Variants in STAG1 observed in about 807,000 individuals in gnomAD.
STAG1 encodes cohesin subunit SA-1.
Under a neutral mutation model 170.9 loss-of-function variants are expected in STAG1, and 26 were observed. The ratio of observed to expected loss-of-function variants is 0.15; its 90% CI spans 0.11 to 0.21. The LOEUF (loss-of-function observed/expected upper bound fraction) is 0.21, where lower values mean the gene tolerates loss of function less well. Ranked by LOEUF, STAG1 falls within the 10% of genes least tolerant of loss-of-function variation. The probability of loss-of-function intolerance (pLI) is 1.00; values close to 1 mark genes in which losing one functional copy is unlikely to be tolerated. For synonymous variants in STAG1, 514 were observed against 497.7 expected, an observed-to-expected ratio of 1.03 and a Z score of -0.44; for missense variants, 964 against 1,509.5, an observed-to-expected ratio of 0.64 and a Z score of 5.99.
At chr3:136,724,839 G>A (rs1208867316) in intron 1 of STAG1, among the ~76,000 whole-genome samples, 2 of 152,028 alleles carry the variant, frequency 1.3e-5, no homozygotes, top group Non-Finnish European at 2.9e-5. Context: ...AGGCAGGAGG[G>A]GATGATACAT....
At chr3:136,697,005 G>A (rs76644790) in intron 1 of STAG1, among the ~76,000 whole-genome samples, 141 of 152,252 alleles carry the variant, frequency 9.3e-4, no homozygotes, top group African/African-American at 2.3e-3. Context: ...GAATTTTACC[G>A]TATGTAAATT....
intron 6 of STAG1, among the ~76,000 whole-genome samples, chr3:136,533,323 C>T (rs577681410): frequency 1.3e-5 from 2 of 152,000 alleles, no homozygotes; most frequent in African/African-American, 4.8e-5. Flanking sequence ...TGTTGGTAAC[C>T]ACTGAATTTT....
At chr3:136,674,177 G>GGGAGAGAGGGAGGGAA (rs1942064560) in intron 1 of STAG1, among the ~76,000 whole-genome samples, 1 of 26,672 alleles carries the variant, frequency 3.7e-5, no homozygotes, top group Non-Finnish European at 6.7e-5. Flanking sequence ...GAGGGAAGGA[G>GGGAGAGAGGGAGGGAA]GGAGGGAGGG....
At chr3:136,428,673 C>G (rs1301141946) in intron 16 of STAG1, among the ~76,000 whole-genome samples, 3 of 152,152 alleles carry the variant, frequency 2.0e-5, no homozygotes, top group African/African-American at 7.2e-5. Flanking sequence ...AGCCATCAAG[C>G]CCCCCAAAAT....
chr3:136,700,886 T>C (rs1230001272), intron 1 of STAG1, among the ~76,000 whole-genome samples: 4 of 137,070 alleles, frequency 2.9e-5, no homozygotes, highest in East Asian at 2.0e-4. Context: ...CTTTTTTTTT[T>C]TTTTTTTTTT....
In STAG1 at chr3:136,584,431, T is replaced by G. The variant is rs534531345; in HGVS notation, c.298-15570A>C. ...ATTAACTATCACATGCAAGCCATCC[T>G]GTTTCTATCAGCATTCAAAAGACTG... On this transcript the variant is annotated intron_variant, in intron 4 of 33. Coordinates refer to ENST00000383202, the MANE Select transcript of STAG1 (RefSeq NM_005862.3). 1.6e-3 allele frequency among the ~76,000 whole-genome samples: 242 copies of G among 152,340 alleles called. 1 individual carries two copies. Among genetic ancestry groups the G allele is most frequent in the Non-Finnish European group, 2.9e-3 (195 of 68,034 alleles).
chr3:136,506,221 A>G (rs1933751558), intron 7 of STAG1, among the ~76,000 whole-genome samples: 1 of 152,334 alleles, frequency 6.6e-6, no homozygotes, highest in African/African-American at 2.4e-5. Context: ...TATTTTGCTC[A>G]AAGTTTGCAA....
chr3:136,457,271 C>G (rs2089140799), intron 13 of STAG1, among the ~76,000 whole-genome samples: 1 of 152,138 alleles, frequency 6.6e-6, no homozygotes, highest in African/African-American at 2.4e-5. Flanking sequence ...CTCGTGGCCT[C>G]TGGAATGTGC....
chr3:136,747,160 C>G (rs1252790187), intron 1 of STAG1, among the ~76,000 whole-genome samples: 1 of 146,422 alleles, frequency 6.8e-6, no homozygotes, highest in Non-Finnish European at 1.5e-5. Context: ...GCATTCCCAG[C>G]TACTCAGGAG....
chr3:136,350,741 G>C (rs977440012), intron 28 of STAG1, among the ~76,000 whole-genome samples: 1 of 152,204 alleles, frequency 6.6e-6, no homozygotes, highest in East Asian at 1.9e-4. Context: ...GGAGAGAGGA[G>C]TGAGGAGGAA....
At chr3:136,712,723 C>CA (rs1479384098) in intron 1 of STAG1, among the ~76,000 whole-genome samples, 1 of 152,228 alleles carries the variant, frequency 6.6e-6, no homozygotes, top group Non-Finnish European at 1.5e-5. Flanking sequence ...TTTCTACTAA[C>CA]AACATACCTT....
Position 136,360,660 on chromosome 3 carries a change from A to G in STAG1, c.2788-1364T>C, listed in dbSNP as rs1936827979. 2.0e-5 allele frequency among the ~76,000 whole-genome samples: 3 copies of G among 152,094 alleles called. No homozygotes were observed. In the South Asian group the frequency reaches 6.2e-4, roughly 32 times the overall value. On this transcript the variant is annotated intron_variant, in intron 26 of 33. Transcript: ENST00000383202. ...CCAGGGATTTCAAATTTATTCATAG[A>G]TAATTGTTTATAAATTCTTTTTTTT...
At chr3:136,497,213 G>T (rs1376387517) in intron 9 of STAG1, among the ~76,000 whole-genome samples, 1 of 151,608 alleles carries the variant, frequency 6.6e-6, no homozygotes, top group Non-Finnish European at 1.5e-5. Context: ...AAAGAAGAGA[G>T]AATACACTGT....
chr3:136,666,990 T>C (rs574856486), intron 1 of STAG1, among the ~76,000 whole-genome samples: 2 of 152,252 alleles, frequency 1.3e-5, no homozygotes, highest in Admixed American at 6.5e-5. Flanking sequence ...ATTCCACCTA[T>C]ATAGTTTCAA....
intron 22 of STAG1, among the ~76,000 whole-genome samples, chr3:136,394,551 G>C (rs553522141): frequency 6.6e-6 from 1 of 151,904 alleles, no homozygotes; most frequent in Admixed American, 6.6e-5. Flanking sequence ...TGAGGCGGGT[G>C]GACTGCTTGA....
At chr3:136,398,667 CTGA>C (rs2087236725) in intron 22 of STAG1, 79 bp downstream of exon 22, 1 of 622,856 alleles carries the variant, frequency 1.6e-6, no homozygotes, top group South Asian at 3.1e-5. Flanking sequence ...TATACAATAA[CTGA>C]TAATAGTAAA....
chr3:136,606,568 C>A (rs1400458403), intron 3 of STAG1, among the ~76,000 whole-genome samples: 4 of 152,154 alleles, frequency 2.6e-5, no homozygotes, highest in African/African-American at 9.7e-5. Context: ...ATCATCATGT[C>A]TTCCTAAGCT....
At chr3:136,486,130 C>T (rs928366629) in intron 9 of STAG1, among the ~76,000 whole-genome samples, 1 of 152,176 alleles carries the variant, frequency 6.6e-6, no homozygotes, top group African/African-American at 2.4e-5. Flanking sequence ...AAATGCTCCA[C>T]ATGTAGTAGG....
rs189521067 is a variant in STAG1, at chr3:136,449,334, G to A, written c.1428+2699C>T. Among the ~76,000 whole-genome samples the A allele has an allele frequency of 1.6e-3, 248 of 152,304 alleles. 1 individual carries two copies. Among genetic ancestry groups the A allele is most frequent in the Non-Finnish European group, 3.0e-3 (205 of 68,026 alleles). ...CCAGCACTTTGGAAGGCCGAGGCAGGTGGACCACCTGAGGTTAGGAGTTCG... is the reference window on the plus strand; with the variant it reads ...CCAGCACTTTGGAAGGCCGAGGCAGATGGACCACCTGAGGTTAGGAGTTCG... On this transcript the variant is annotated intron_variant, in intron 14 of 33. Coordinates refer to ENST00000383202, the MANE Select transcript of STAG1 (RefSeq NM_005862.3).
Sources: gnomAD v4.1 joint callset for allele counts (sites outside exome capture counted in the v4.1 genomes callset) on GRCh38, gnomAD v4.1.1 for gene constraint, MANE v1.5 for transcripts, NCBI Gene and HGNC (gene_info 2026-07-23, HGNC 2026-07-21) for gene names.